Variants in SLCO3A1 observed in about 807,000 individuals in gnomAD.
The protein encoded by SLCO3A1 is PGE1 transporter.
In SLCO3A1, 27 loss-of-function variants were observed where a neutral mutation model predicts 63.1. The observed-to-expected ratio is 0.43, with a 90% CI of 0.32 to 0.59. The LOEUF (loss-of-function observed/expected upper bound fraction) is 0.59. Ranked by LOEUF, SLCO3A1 falls within the 20% of genes least tolerant of loss-of-function variation. SLCO3A1 has a pLI of 0.09. For synonymous variants in SLCO3A1, 473 were observed against 409.9 expected, an observed-to-expected ratio of 1.15 and a Z score of -1.86; for missense variants, 773 against 945.8, an observed-to-expected ratio of 0.82 and a Z score of 2.40.
At chr15:92,086,586 C>T (rs2151528851) in intron 2 of SLCO3A1, among the ~76,000 whole-genome samples, 1 of 152,252 alleles carries the variant, frequency 6.6e-6, no homozygotes, top group East Asian at 1.9e-4. Flanking sequence ...TTGGTGAACT[C>T]TTCTGATAAA....
At chr15:92,069,541 G>C (rs2047191592) in intron 2 of SLCO3A1, among the ~76,000 whole-genome samples, 1 of 152,192 alleles carries the variant, frequency 6.6e-6, no homozygotes, top group Admixed American at 6.5e-5. Context: ...CACTCCAGGT[G>C]ACCTAAACCT....
chr15:92,166,605 G>A (rs906236933), downstream of SLCO3A1, among the ~76,000 whole-genome samples: 2 of 152,140 alleles, frequency 1.3e-5, no homozygotes, highest in Non-Finnish European at 2.9e-5. Flanking sequence ...CAAAAAGCCT[G>A]CAGAAACGTT....
In SLCO3A1 at chr15:92,165,515, GAA is replaced by G. The variant is rs1167627795; in HGVS notation, c.*2382_*2383del. 4 of 877,738 alleles carry G rather than the reference GAA, an allele frequency of 4.6e-6. No homozygotes were observed. Among genetic ancestry groups the G allele is most frequent in the Non-Finnish European group, 5.4e-6 (4 of 737,782 alleles). 54.4% of individuals were successfully genotyped at this position (877,738 alleles called of 1,614,324 possible). A position where few individuals can be genotyped will look rare whatever the true frequency, so the allele number is the denominator to read the frequency against. On this transcript the variant is annotated 3_prime_UTR_variant, in exon 10 of 10. Transcript: ENST00000318445. ...TATTTGCTTTGAGAGAAAAAAAAAA[GAA>G]AGTTTTTTAAACTCTTTGCATTTTG...
chr15:92,161,273 C>T (rs530420670), intron 9 of SLCO3A1, among the ~76,000 whole-genome samples: 1 of 152,192 alleles, frequency 6.6e-6, no homozygotes, highest in East Asian at 1.9e-4. Flanking sequence ...ACACTCTCCC[C>T]CTTCACTCAG....
At chr15:91,999,034 A>G (rs2046223302) in intron 2 of SLCO3A1, among the ~76,000 whole-genome samples, 1 of 152,222 alleles carries the variant, frequency 6.6e-6, no homozygotes, top group South Asian at 2.1e-4. Flanking sequence ...ATTATGCAGG[A>G]ACAGAAAATC....
chr15:92,048,006 T>G (rs144212291), intron 2 of SLCO3A1, among the ~76,000 whole-genome samples: 1,759 of 152,132 alleles, frequency 0.012, 22 homozygotes, highest in African/African-American at 0.04. Flanking sequence ...CAGGGTCTGC[T>G]GTTGCCTCTC....
chr15:92,089,251 C>G (rs1983348), intron 2 of SLCO3A1, among the ~76,000 whole-genome samples: 1 of 151,940 alleles, frequency 6.6e-6, no homozygotes. Context: ...TGAACTTGAT[C>G]TCCTGACCTC....
rs556951623 is a variant in SLCO3A1, at chr15:91,950,152, G to A, written c.646+33694G>A. Among the ~76,000 whole-genome samples, 10 of 152,350 alleles carry A rather than the reference G, an allele frequency of 6.6e-5. No homozygotes were observed. The South Asian group carries it at 2.1e-3, about 32-fold the overall frequency. ...AAGGCAGATTGAAGCTGCCCCTGGGGAAGAAAGTTGTAACAGGCAGAGGAA... is the reference window on the plus strand; with the variant it reads ...AAGGCAGATTGAAGCTGCCCCTGGGAAAGAAAGTTGTAACAGGCAGAGGAA... On this transcript the variant is annotated intron_variant, in intron 2 of 9. Coordinates refer to ENST00000318445, the MANE Select transcript of SLCO3A1 (RefSeq NM_013272.4). The surrounding 1 kb of genome is among the most constrained non-coding windows in gnomAD (Gnocchi z 4.4).
chr15:91,911,784 G>A (rs1898495011), intron 1 of SLCO3A1, among the ~76,000 whole-genome samples: 1 of 151,990 alleles, frequency 6.6e-6, no homozygotes, highest in East Asian at 1.9e-4. Flanking sequence ...GTGCCACCAC[G>A]TCCAGCTAAT....
intron 2 of SLCO3A1, among the ~76,000 whole-genome samples, chr15:92,016,166 C>T (rs990549654): frequency 1.3e-5 from 2 of 149,758 alleles, no homozygotes; most frequent in Admixed American, 1.3e-4. Context: ...GATAGCAAAC[C>T]AGGTCTTGAT....
intron 1 of SLCO3A1, among the ~76,000 whole-genome samples, chr15:91,914,736 T>C (rs1898598474): frequency 6.6e-6 from 1 of 152,064 alleles, no homozygotes; most frequent in Non-Finnish European, 1.5e-5. Flanking sequence ...CACGCCTCGC[T>C]AAATTGTGTA....
chr15:92,121,595 A>G (rs2047863280), intron 5 of SLCO3A1, among the ~76,000 whole-genome samples: 2 of 152,154 alleles, frequency 1.3e-5, no homozygotes, highest in Admixed American at 1.3e-4. Flanking sequence ...GATAATCGAT[A>G]TTATATGTAG....
At chr15:92,030,758 T>C (rs1046727788) in intron 2 of SLCO3A1, among the ~76,000 whole-genome samples, 4 of 152,168 alleles carry the variant, frequency 2.6e-5, no homozygotes, top group African/African-American at 9.7e-5. Context: ...GCCTAAGCCA[T>C]GCCTCACCTG....
chr15:92,127,365 T>A (rs565519364), intron 6 of SLCO3A1, among the ~76,000 whole-genome samples: 1 of 58,128 alleles, frequency 1.7e-5, no homozygotes, highest in South Asian at 7.3e-4. Context: ...AAAGTGTATA[T>A]CCTACATCAC....
intron 2 of SLCO3A1, among the ~76,000 whole-genome samples, chr15:91,960,160 T>C (rs1050741473): frequency 6.6e-6 from 1 of 152,156 alleles, no homozygotes; most frequent in Admixed American, 6.5e-5. Context: ...ACTTTTTGTA[T>C]TGTTAGTAGA....
At chr15:91,902,161 AT>A (rs1898174689) in intron 1 of SLCO3A1, among the ~76,000 whole-genome samples, 1 of 151,432 alleles carries the variant, frequency 6.6e-6, no homozygotes, top group Admixed American at 6.6e-5. Context: ...TAGAATTTCC[AT>A]TTGGTTCCTT....
chr15:92,044,435 C>T (rs1764973067), intron 2 of SLCO3A1, among the ~76,000 whole-genome samples: 1 of 152,082 alleles, frequency 6.6e-6, no homozygotes, highest in Non-Finnish European at 1.5e-5. Context: ...GACAGCCCTG[C>T]CACATCCTCA....
intron 4 of SLCO3A1, among the ~76,000 whole-genome samples, chr15:92,110,826 CT>C (rs1567125798): frequency 6.6e-6 from 1 of 151,918 alleles, no homozygotes; most frequent in Non-Finnish European, 1.5e-5. Context: ...TAAAGCTCCC[CT>C]GCCCCCTACT....
intron 2 of SLCO3A1, among the ~76,000 whole-genome samples, chr15:92,015,921 G>A (rs1487004717): frequency 6.6e-6 from 1 of 152,046 alleles, no homozygotes; most frequent in East Asian, 1.9e-4. Flanking sequence ...AATACGAAAT[G>A]GAAATTTAAA....
Sources: gnomAD v4.1 joint callset for allele counts (sites outside exome capture counted in the v4.1 genomes callset) on GRCh38, gnomAD v4.1.1 for gene constraint, Gnocchi (gnomAD v3.1) non-coding constraint, MANE v1.5 for transcripts, NCBI Gene and HGNC (gene_info 2026-07-23, HGNC 2026-07-21) for gene names.